Variants in ZNF711 observed in about 807,000 individuals in gnomAD.
ZNF711 encodes ZFX family zinc finger ZNF711, also known as zinc finger protein 711.
A neutral mutation model predicts 43.5 loss-of-function variants in ZNF711; 3 were observed. The observed-to-expected ratio is 0.07, with a 90% CI of 0.03 to 0.18. The LOEUF (loss-of-function observed/expected upper bound fraction) is 0.18. Among genes scored for constraint, ZNF711 ranks in the 10% least tolerant of loss-of-function variants. ZNF711 has a pLI of 1.00. For missense variants in ZNF711, 412 were observed against 604.0 expected, an observed-to-expected ratio of 0.68 and a Z score of 3.33; for synonymous variants, 209 against 207.7, an observed-to-expected ratio of 1.01 and a Z score of -0.06.
chrX:85,263,748 AG>A (rs1359630118), intron 5 of ZNF711, among the ~76,000 whole-genome samples: 4 of 110,678 alleles, frequency 3.6e-5, no homozygotes, highest in South Asian at 7.5e-4. Context: ...TAGAATTTGA[AG>A]CCGTTTTAAT....
At chrX:85,263,467 G>C (rs2147851095) in intron 5 of ZNF711, among the ~76,000 whole-genome samples, 1 of 110,501 alleles carries the variant, frequency 9.0e-6, no homozygotes, top group South Asian at 3.8e-4. Context: ...GCTTGAAGTT[G>C]TCTTCCATTG....
chrX:85,251,885 T>A (rs1052813012), intron 4 of ZNF711, among the ~76,000 whole-genome samples: 1 of 110,788 alleles, frequency 9.0e-6, no homozygotes, highest in Non-Finnish European at 1.9e-5. Flanking sequence ...GAGTTCAGTT[T>A]CCAGCTAGGA....
intron 5 of ZNF711, 89 bp from the exon 6 acceptor site, chrX:85,264,186 C>A: frequency 2.8e-6 from 2 of 712,434 alleles, no homozygotes; most frequent in Non-Finnish European, 4.3e-6. Context: ...TTCAGCTTAA[C>A]ACCCACTAAA....
At chrX:85,254,378 G>C (rs1353206749) in intron 4 of ZNF711, among the ~76,000 whole-genome samples, 1 of 85,473 alleles carries the variant, frequency 1.2e-5, no homozygotes, top group East Asian at 3.5e-4. Flanking sequence ...GCCGAGGCGG[G>C]TGGATCATGA....
intron 4 of ZNF711, among the ~76,000 whole-genome samples, chrX:85,252,541 A>T (rs1205583626): frequency 4.5e-5 from 5 of 111,952 alleles, no homozygotes; most frequent in Non-Finnish European, 7.5e-5. Context: ...TATTGTTTAG[A>T]TATATAGAAT....
chrX:85,244,910 A>C (rs1300930757), intron 1 of ZNF711: 1 of 111,715 alleles, frequency 9.0e-6, no homozygotes, highest in Non-Finnish European at 1.9e-5. Flanking sequence ...AGGAGGGGAA[A>C]GGGTATTCTT....
chrX:85,271,233 G>A lies in ZNF711; in HGVS notation c.1829G>A (p.Cys610Tyr). The A allele has an allele frequency of 8.3e-7, 1 of 1,209,485 alleles. No homozygotes were observed. Among genetic ancestry groups the A allele is most frequent in the Non-Finnish European group, 1.1e-6 (1 of 894,446 alleles). ...SKHGNNLPYK[C>Y]EHCPQAFGDE... ...CATGGTAACAATTTGCCATATAAAT[G>A]TGAGCATTGTCCCCAAGCATTTGGT... The change falls in exon 11 of 11, where the codon TGT (cysteine) becomes TAT (tyrosine). Residue 610 changes from cysteine (C) to tyrosine (Y), a missense_variant. Physicochemically the swap from Cys to Tyr is radical, Grantham distance 194. Coordinates refer to ENST00000674551, the MANE Select transcript of ZNF711 (RefSeq NM_001330574.2).
chrX:85,250,852 C>A (rs1393538299), intron 4 of ZNF711, among the ~76,000 whole-genome samples: 1 of 111,038 alleles, frequency 9.0e-6, no homozygotes, highest in African/African-American at 3.3e-5. Context: ...ATGCAGTTCC[C>A]AGCACAATTT....
At chrX:85,269,463 C>T (rs1931386567) in intron 9 of ZNF711, among the ~76,000 whole-genome samples, 1 of 107,811 alleles carries the variant, frequency 9.3e-6, no homozygotes, top group Non-Finnish European at 1.9e-5. Context: ...TCACTGCAAC[C>T]TTGAACTCCT....
rs1359449170 is a variant in ZNF711 at position 85,271,245 on chromosome X, C to T, written c.1841C>T (p.Pro614Leu). The T allele has an allele frequency of 2.5e-6, 3 of 1,209,431 alleles. No individual in the cohort carries two copies. Among genetic ancestry groups the T allele is most frequent in the Admixed American group, 2.2e-5 (1 of 45,732 alleles). The change falls in exon 11 of 11, where the codon CCC (proline) becomes CTC (leucine). Residue 614 changes from proline to leucine, a missense_variant. This residue lies in a region of ZNF711 where 375 missense variants were observed against 514.2 expected (regional missense o/e 0.73). Transcript: ENST00000674551. ...TTGCCATATAAATGTGAGCATTGTC[C>T]CCAAGCATTTGGTGATGAGAGGGAG... Reference protein sequence around the residue: ...NNLPYKCEHCPQAFGDERELQ... With the variant: ...NNLPYKCEHCLQAFGDERELQ...
intron 5 of ZNF711, among the ~76,000 whole-genome samples, chrX:85,257,292 CAGTT>C (rs1318043735): frequency 9.0e-6 from 1 of 110,906 alleles, no homozygotes; most frequent in Non-Finnish European, 1.9e-5. Flanking sequence ...TAGTACCCAA[CAGTT>C]AGTTTTTTGG....
Position 85,255,299 on chromosome X carries a change from T to C in ZNF711, c.120T>C (p.His40=). ...GTACTGCACATATCGATGGAGACCA[T>C]ATTGTTGTTTCAGTTCCTGAAGCTG... The part of the protein sequence containing the change: ...MAGTAHIDGD[H]IVVSVPEAVL... Residue 40 remains histidine (H), a synonymous_variant, in exon 5 of 11, where the codon CAT becomes CAC. Coordinates refer to ENST00000674551, the MANE Select transcript of ZNF711 (RefSeq NM_001330574.2). The C allele has an allele frequency of 8.3e-7, 1 of 1,211,122 alleles. No individual in the cohort carries two copies. Among genetic ancestry groups the C allele is most frequent in the Non-Finnish European group, 1.1e-6 (1 of 895,073 alleles).
intron 2 of ZNF711, among the ~76,000 whole-genome samples, chrX:85,246,417 C>T (rs1005666845): frequency 1.8e-5 from 2 of 111,902 alleles, no homozygotes; most frequent in African/African-American, 6.5e-5. Flanking sequence ...ATGTATATAC[C>T]TGAAATGGTG....
intron 5 of ZNF711, among the ~76,000 whole-genome samples, chrX:85,262,411 A>G (rs1930735487): frequency 9.0e-6 from 1 of 110,702 alleles, no homozygotes; most frequent in Admixed American, 9.7e-5. Flanking sequence ...TTAATTTACC[A>G]TAAGTTATTT....
intron 7 of ZNF711, among the ~76,000 whole-genome samples, chrX:85,266,262 A>G (rs1931085172): frequency 8.9e-6 from 1 of 111,778 alleles, no homozygotes; most frequent in African/African-American, 3.2e-5. Flanking sequence ...AGCTGAAAAT[A>G]TCAAAACAAA....
intron 4 of ZNF711, among the ~76,000 whole-genome samples, chrX:85,248,694 G>A (rs982963401): frequency 2.7e-5 from 3 of 110,823 alleles, no homozygotes; most frequent in African/African-American, 9.8e-5. Context: ...AGATTGGAGT[G>A]AAAGCAGAAA....
At chrX:85,251,165 T>C (rs965145827) in intron 4 of ZNF711, among the ~76,000 whole-genome samples, 2 of 111,504 alleles carry the variant, frequency 1.8e-5, no homozygotes, top group African/African-American at 6.5e-5. Context: ...TACACAGAGC[T>C]AACCAAATAA....
At chrX:85,251,588 C>A (rs1244874727) in intron 4 of ZNF711, among the ~76,000 whole-genome samples, 1 of 110,425 alleles carries the variant, frequency 9.1e-6, no homozygotes. Context: ...CTTACTGTTG[C>A]CTGATTATTT....
intron 9 of ZNF711, 74 bp from the exon 10 acceptor site, chrX:85,269,929 G>A: frequency 9.2e-7 from 1 of 1,081,586 alleles, no homozygotes; most frequent in South Asian, 1.9e-5. Context: ...CATGTCATCT[G>A]TAGTAACTCA....
Sources: allele counts gnomAD v4.1 joint callset (sites outside exome capture counted in the v4.1 genomes callset), GRCh38; gene constraint gnomAD v4.1.1; regional missense constraint gnomAD v4.1.1; transcripts MANE v1.5; gene names NCBI Gene and HGNC (gene_info 2026-07-23, HGNC 2026-07-21).